Variants in ZNF142 observed in about 807,000 individuals in gnomAD.
ZNF142 encodes zinc finger protein 142 (clone pHZ-49).
In ZNF142, 96 loss-of-function variants were observed where a neutral mutation model predicts 132.1. The observed-to-expected ratio is 0.73, with a 90% CI of 0.62 to 0.86. The LOEUF is 0.86. ZNF142 is among the 40% of genes least tolerant of loss of function. The pLI is 0.00. For synonymous variants in ZNF142, 842 were observed against 890.1 expected (o/e 0.95, Z 0.96); for missense variants, 2,163 against 2,336.2 (o/e 0.93, Z 1.53).
chr2:218,656,063 T>G lies in ZNF142; in HGVS notation c.280+87A>C, dbSNP rs1422601439. On this transcript the variant is annotated intron_variant, in intron 4 of 10. Transcript: ENST00000411696. Reference sequence around the variant, plus strand: ...AAAAATAGGATGCTACCTTGTGTTCTCATCATATTTATACAGAATCAAAAA... The same window carrying G: ...AAAAATAGGATGCTACCTTGTGTTCGCATCATATTTATACAGAATCAAAAA... The G allele has an allele frequency of 2.9e-6, 4 of 1,387,350 alleles. No individual in the cohort carries two copies. In the East Asian group the frequency reaches 1.0e-4, roughly 35 times the overall value. 85.9% of individuals were successfully genotyped at this position (1,387,350 alleles called of 1,614,324 possible). A position where few individuals can be genotyped will look rare whatever the true frequency, so the allele number is the denominator to read the frequency against.
chr2:218,655,875 G>T (rs1351892827), intron 4 of ZNF142, among the ~76,000 whole-genome samples: 1 of 152,122 alleles, frequency 6.6e-6, no homozygotes, highest in African/African-American at 2.4e-5. Context: ...GCCAGGATTG[G>T]GCGGAGGTGT....
At position 218,635,734 on chromosome 2, in the gene ZNF142, A is replaced by G. The variant is rs1008179682; in HGVS notation, c.*2605T>C. ...AAGCTTCTTCTCCCCTGGGGTTGGG[A>G]GTAGGGTCGGGTGGGGCTGGGCTGA... On this transcript the variant is annotated 3_prime_UTR_variant, in exon 11 of 11. Transcript: ENST00000411696. 3 of 1,557,400 alleles carry G rather than the reference A, an allele frequency of 1.9e-6. No homozygotes were observed. Among genetic ancestry groups the G allele is most frequent in the Non-Finnish European group, 2.6e-6 (3 of 1,149,382 alleles).
rs971798350 is a variant in ZNF142 at position 218,637,014 on chromosome 2, A to T, written c.*1325T>A. 2.3e-6 allele frequency: 1 copy of T among 434,740 alleles called. No homozygotes were observed. Among genetic ancestry groups the T allele is most frequent in the African/African-American group, 2.0e-5 (1 of 49,220 alleles). 26.9% of individuals were successfully genotyped at this position (434,740 alleles called of 1,614,324 possible). ...CTTCCTCAAAGCCCAAAGCCAAGGG[A>T]AGGATAAATCAAGGCTCAAGGCTTC... is the stretch of plus-strand genomic sequence containing the variant. On this transcript the variant is annotated 3_prime_UTR_variant, in exon 11 of 11. Coordinates refer to ENST00000411696, the MANE Select transcript of ZNF142 (RefSeq NM_001379659.1).
At chr2:218,639,556 C>T (rs1045765691) in intron 10 of ZNF142, among the ~76,000 whole-genome samples, 3 of 152,038 alleles carry the variant, frequency 2.0e-5, no homozygotes, top group Non-Finnish European at 4.4e-5. Context: ...GCCTGGGCAA[C>T]AAAGTGAGAC....
rs373357666 is a variant in ZNF142, at chr2:218,643,407, G to A, written c.3709C>T (p.Arg1237Trp). 3.3e-5 allele frequency: 53 copies of A among 1,614,210 alleles called. No individual in the cohort carries two copies. The highest frequency in any genetic ancestry group is 4.5e-5 in the East Asian group (2 of 44,884). Residue 1237 changes from arginine to tryptophan, a missense_variant, in exon 9 of 11, where the codon CGG (arginine) becomes TGG (tryptophan). Physicochemically the swap from Arg to Trp is moderately radical, Grantham distance 101 (BLOSUM62 -3). This residue lies in a region of ZNF142 where 809 missense variants were observed against 801.7 expected (regional missense o/e 1.01). Coordinates refer to ENST00000411696, the MANE Select transcript of ZNF142 (RefSeq NM_001379659.1). ...ACGTGAGAGGTAATAGAGGAGAGCC[G>A]GGAACAAAGGAATGGGCAGGAGTTG... Reference protein sequence around the residue: ...HCNSCPFLCSRLSSITSHVAE... With the variant: ...HCNSCPFLCSWLSSITSHVAE...
Position 218,642,829 on chromosome 2 carries a change from G to T in ZNF142, c.4287C>A (p.Pro1429=), listed in dbSNP as rs1260340521. ...CAAACGTCTGGGGGCAAGAGCTGCA[G>T]GGGATGCGGCCAATGCCTGTGTGTC... ...QSRHTGIGRI[P]CSSCPQTFGT... Residue 1429 remains proline (P), a synonymous_variant, in exon 9 of 11, where the codon CCC becomes CCA. Coordinates refer to ENST00000411696, the MANE Select transcript of ZNF142 (RefSeq NM_001379659.1). The surrounding 1 kb of genome is among the most constrained non-coding windows in gnomAD (Gnocchi z 4.6). 6.2e-7 allele frequency: 1 copy of T among 1,614,208 alleles called. No homozygotes were observed. Among genetic ancestry groups the T allele is most frequent in the Non-Finnish European group, 8.5e-7 (1 of 1,180,050 alleles).
At chr2:218,650,636 AAGG>A (rs1937896490) in intron 5 of ZNF142, 110 bp from the exon 6 acceptor site, 4 of 1,113,828 alleles carry the variant, frequency 3.6e-6, no homozygotes, top group Non-Finnish European at 5.0e-6. Context: ...CTTTTAGCAT[AAGG>A]AGATCTTGGG....
intron 7 of ZNF142, 24 bp downstream of exon 7, chr2:218,648,610 AT>A (rs1226972337): frequency 1.3e-6 from 2 of 1,597,892 alleles, no homozygotes; most frequent in Admixed American, 3.4e-5. Context: ...TTACAACATT[AT>A]TTTAAGGATG....
At chr2:218,650,114 T>C (rs1307420705) in intron 6 of ZNF142, among the ~76,000 whole-genome samples, 1 of 152,214 alleles carries the variant, frequency 6.6e-6, no homozygotes, top group Non-Finnish European at 1.5e-5. Flanking sequence ...CTGCTAGAGT[T>C]TTCTGCCTGA....
At position 218,644,461 on chromosome 2, in the gene ZNF142, T is replaced by G; in HGVS notation, c.2655A>C (p.Pro885=). The change falls in exon 9 of 11, where the codon CCA becomes CCC. Residue 885 remains proline (P), a synonymous_variant. Transcript: ENST00000411696. The surrounding 1 kb of genome is among the most constrained non-coding windows in gnomAD (Gnocchi z 4.6). ...HGGDLGGSPS[P]AEVEEGSCTL... Reference sequence around the variant, plus strand: ...TGCAGCTGCCCTCCTCCACCTCTGCTGGGCTGGGACTGCCACCCAGGTCAC... The same window carrying G: ...TGCAGCTGCCCTCCTCCACCTCTGCGGGGCTGGGACTGCCACCCAGGTCAC... 1 of 1,614,044 alleles carries G rather than the reference T, an allele frequency of 6.2e-7. No individual in the cohort carries two copies. The highest frequency in any genetic ancestry group is 8.5e-7 in the Non-Finnish European group (1 of 1,180,010).
chr2:218,648,417 A>G (rs951208010), intron 7 of ZNF142, among the ~76,000 whole-genome samples: 1 of 152,254 alleles, frequency 6.6e-6, no homozygotes, highest in African/African-American at 2.4e-5. Context: ...CAGTGGTTAG[A>G]GCACAGGCTC....
intron 7 of ZNF142, 77 bp downstream of exon 7, chr2:218,648,558 C>T (rs1315826890): frequency 2.4e-5 from 34 of 1,409,778 alleles, no homozygotes; most frequent in Admixed American, 6.7e-5. Context: ...AATGAGAAAA[C>T]GTATGCAAGA....
At chr2:218,649,952 G>A (rs1362988085) in intron 6 of ZNF142, among the ~76,000 whole-genome samples, 1 of 152,218 alleles carries the variant, frequency 6.6e-6, no homozygotes, top group African/African-American at 2.4e-5. Flanking sequence ...TATGCTCCTT[G>A]TGGGATGACT....
chr2:218,641,712 A>G (rs750433975), intron 9 of ZNF142, among the ~76,000 whole-genome samples: 11 of 152,030 alleles, frequency 7.2e-5, no homozygotes, highest in Non-Finnish European at 1.3e-4. Flanking sequence ...GCTGATTAAG[A>G]AAAAGTTTTT....
intron 10 of ZNF142, among the ~76,000 whole-genome samples, chr2:218,639,123 C>T (rs950093861): frequency 6.6e-6 from 1 of 152,198 alleles, no homozygotes; most frequent in African/African-American, 2.4e-5. Flanking sequence ...AGGCATGGGC[C>T]ACCACACCTG....
chr2:218,654,121 A>G (rs1938263090), intron 4 of ZNF142, among the ~76,000 whole-genome samples: 1 of 152,186 alleles, frequency 6.6e-6, no homozygotes, highest in South Asian at 2.1e-4. Context: ...GCTGTTTCCA[A>G]CCATTACAAA....
At position 218,643,129 on chromosome 2, in the gene ZNF142, G is replaced by A. The variant is rs1043566120; in HGVS notation, c.3987C>T (p.Leu1329=). ...LRTHQIRGCP[L]EESGELHCSL... ...TGCAGTGCAGCTCTCCAGACTCCTC[G>A]AGGGGGCAGCCCCGGATCTGGTGAG... Residue 1329 remains leucine, a synonymous_variant, in exon 9 of 11, where the codon CTC becomes CTT. Transcript: ENST00000411696. 1.8e-5 allele frequency: 29 copies of A among 1,613,808 alleles called. No homozygotes were observed. Among genetic ancestry groups the A allele is most frequent in the African/African-American group, 9.3e-5 (7 of 74,948 alleles).
rs1697611501 is a variant in ZNF142, at chr2:218,645,023, T to C, written c.2093A>G (p.Asp698Gly). Residue 698 changes from aspartate (D) to glycine (G), a missense_variant, in exon 9 of 11, where the codon GAT (aspartate) becomes GGT (glycine). Coordinates refer to ENST00000411696, the MANE Select transcript of ZNF142 (RefSeq NM_001379659.1). ...CCGCAGCTTGTGGCTGCTCAGCTGA[T>C]CAGCCCGGTGACAGCGATAGGAGCA... ...NQCSYRCHRADQLSSHKLRHQ... is the reference protein window; with the variant it reads ...NQCSYRCHRAGQLSSHKLRHQ... The C allele has an allele frequency of 5.0e-6, 8 of 1,613,764 alleles. No individual in the cohort carries two copies. The highest frequency in any genetic ancestry group is 6.8e-6 in the Non-Finnish European group (8 of 1,179,888).
chr2:218,648,343 C>T (rs1463616143), intron 7 of ZNF142, among the ~76,000 whole-genome samples: 5 of 152,206 alleles, frequency 3.3e-5, no homozygotes, highest in Non-Finnish European at 7.3e-5. Context: ...TGGTGTTAAC[C>T]CACTCAAGCC....
Sources: gnomAD v4.1 joint callset for allele counts (sites outside exome capture counted in the v4.1 genomes callset) on GRCh38, gnomAD v4.1.1 for gene constraint, gnomAD v4.1.1 regional missense constraint, Gnocchi (gnomAD v3.1) non-coding constraint, MANE v1.5 for transcripts, NCBI Gene and HGNC (gene_info 2026-07-23, HGNC 2026-07-21) for gene names.